Variants in NUMBL observed in about 807,000 individuals in gnomAD.
NUMBL encodes NUMB like endocytic adaptor protein.
A neutral mutation model predicts 48.9 loss-of-function variants in NUMBL; 20 were observed. That is an observed-to-expected ratio of 0.41 (90% CI 0.29 to 0.59). The LOEUF is 0.59. Ranked by LOEUF, NUMBL falls within the 20% of genes least tolerant of loss-of-function variation. The pLI is 0.31. For missense variants in NUMBL, 660 were observed against 846.2 expected (o/e 0.78, Z 2.73); for synonymous variants, 340 against 348.7 (o/e 0.98, Z 0.28).
In NUMBL at chr19:40,667,969, T is replaced by TTGCTGCTGC. The variant is rs752962959; in HGVS notation, c.1320_1328dup (p.Gln444_Gln446dup). On this transcript the variant is annotated inframe_insertion, in exon 10 of 10. Transcript: ENST00000252891. This position sits in a 1 kb window ranked among gnomAD's most constrained non-coding sequence, Gnocchi z 6.1. Reference sequence around the variant, plus strand: ...GGGCCACTGAGGCTGCTTGCTGCTGTTGCTGCTGCTGCTGCTGCTGCTGTT... The same window carrying TTGCTGCTGC: ...GGGCCACTGAGGCTGCTTGCTGCTGTTGCTGCTGCTGCTGCTGCTGCTGCTGCTGCTGTT... The TTGCTGCTGC allele has an allele frequency of 6.1e-6, 9 of 1,471,352 alleles. No individual in the cohort carries two copies. The highest frequency in any genetic ancestry group is 2.5e-5 in the East Asian group (1 of 40,130). 91.1% of individuals were successfully genotyped at this position (1,471,352 alleles called of 1,614,324 possible). A position where few individuals can be genotyped will look rare whatever the true frequency, so the allele number is the denominator to read the frequency against.
chr19:40,670,859 T>A (rs1379416899), intron 8 of NUMBL, among the ~76,000 whole-genome samples: 1 of 152,188 alleles, frequency 6.6e-6, no homozygotes, highest in Non-Finnish European at 1.5e-5. Flanking sequence ...TGCCGTGTGA[T>A]GTATGAGTGT....
At position 40,688,305 on chromosome 19, in the gene NUMBL, C is replaced by T. The variant is rs1052034203; in HGVS notation, c.25-1310G>A. Among the ~76,000 whole-genome samples, 6 of 152,212 alleles carry T rather than the reference C, an allele frequency of 3.9e-5. No homozygotes were observed. The highest frequency in any genetic ancestry group is 7.3e-5 in the Non-Finnish European group (5 of 68,040). Reference sequence around the variant, plus strand: ...ATGTGGCCATATAGAATCACAGCCCCGTGTGGACAGGTGCACAAAGTCACA... The same window carrying T: ...ATGTGGCCATATAGAATCACAGCCCTGTGTGGACAGGTGCACAAAGTCACA... On this transcript the variant is annotated intron_variant, in intron 1 of 9. Transcript: ENST00000252891. This position sits in a 1 kb window ranked among gnomAD's most constrained non-coding sequence, Gnocchi z 4.6.
chr19:40,689,122 T>C (rs2144670730), intron 1 of NUMBL, among the ~76,000 whole-genome samples: 1 of 152,194 alleles, frequency 6.6e-6, no homozygotes, highest in East Asian at 1.9e-4. Context: ...CATGGAGCCA[T>C]AGACAACTCC....
rs2081901874 is a variant in NUMBL, at chr19:40,680,907, C to T, written c.540+10G>A. ...GGAGGGAAGAGTTGGCCAGCTGTGG[C>T]AATACTCACGGAGTCCTTCAGTGCC... On this transcript the variant is annotated intron_variant, in intron 6 of 9. Coordinates refer to ENST00000252891, the MANE Select transcript of NUMBL (RefSeq NM_004756.5). The T allele has an allele frequency of 6.2e-7, 1 of 1,614,054 alleles. No individual in the cohort carries two copies. The highest frequency in any genetic ancestry group is 8.5e-7 in the Non-Finnish European group (1 of 1,179,944).
rs1454272774 is a variant in NUMBL, at chr19:40,673,854, C to T, written c.731-205G>A. Among the ~76,000 whole-genome samples the T allele has an allele frequency of 6.6e-6, 1 of 152,064 alleles. No homozygotes were observed. Among genetic ancestry groups the T allele is most frequent in the African/African-American group, 2.4e-5 (1 of 41,392 alleles). ...CCCCAGGAGGCTCTTGGAAAACCGT[C>T]CCCCAGGCTCACCCTCTGTGTCTCT... On this transcript the variant is annotated intron_variant, in intron 7 of 9. Coordinates refer to ENST00000252891, the MANE Select transcript of NUMBL (RefSeq NM_004756.5). This position sits in a 1 kb window ranked among gnomAD's most constrained non-coding sequence, Gnocchi z 5.9.
chr19:40,688,586 T>C lies in NUMBL; in HGVS notation c.25-1591A>G, dbSNP rs1296614822. Among the ~76,000 whole-genome samples, 5 of 152,020 alleles carry C rather than the reference T, an allele frequency of 3.3e-5. No homozygotes were observed. In the East Asian group the frequency reaches 9.7e-4, roughly 29 times the overall value. On this transcript the variant is annotated intron_variant, in intron 1 of 9. Coordinates refer to ENST00000252891, the MANE Select transcript of NUMBL (RefSeq NM_004756.5). This position sits in a 1 kb window ranked among gnomAD's most constrained non-coding sequence, Gnocchi z 4.6. ...ACAGAGACAAAAACAGGCACACAGC[T>C]ACAGACCCCACACTCTCACAGATGA... is the stretch of plus-strand genomic sequence containing the variant.
Position 40,673,535 on chromosome 19 carries a change from G to C in NUMBL, c.845C>G (p.Ala282Gly). The part of the protein sequence containing the change: ...GEKGEAGTPV[A>G]AGTTAAAIPR... ...GATGGCGGCCGCAGTGGTGCCTGCAGCCACAGGGGTGCCTGCCTCACCCTT... is the reference window on the plus strand; with the variant it reads ...GATGGCGGCCGCAGTGGTGCCTGCACCCACAGGGGTGCCTGCCTCACCCTT... Residue 282 changes from alanine to glycine, a missense_variant, in exon 8 of 10, where the codon GCT becomes GGT. Ala to Gly is a moderately conservative substitution (Grantham distance 60). This residue lies in a region of NUMBL where 278 missense variants were observed against 420.6 expected (regional missense o/e 0.66). Transcript: ENST00000252891. This position sits in a 1 kb window ranked among gnomAD's most constrained non-coding sequence, Gnocchi z 5.9. The C allele has an allele frequency of 6.4e-7, 1 of 1,559,026 alleles. No homozygotes were observed. Among genetic ancestry groups the C allele is most frequent in the Non-Finnish European group, 8.7e-7 (1 of 1,151,628 alleles).
intron 9 of NUMBL, among the ~76,000 whole-genome samples, chr19:40,669,358 T>C (rs2081833668): frequency 6.6e-6 from 1 of 152,048 alleles, no homozygotes; most frequent in Admixed American, 6.6e-5. Context: ...GATCACATGA[T>C]TCTCAGATAA....
chr19:40,666,360 G>C lies in NUMBL; in HGVS notation c.*1108C>G, dbSNP rs560269879. On this transcript the variant is annotated 3_prime_UTR_variant, in exon 10 of 10. Transcript: ENST00000252891. ...TCTCCATGGCGGCCAGGCTGGTCTC[G>C]AACTCCTGACCTTAAGTGATCTGCC... The C allele has an allele frequency of 6.6e-6, 1 of 152,124 alleles. No homozygotes were observed. Among genetic ancestry groups the C allele is most frequent in the South Asian group, 2.1e-4 (1 of 4,814 alleles). 9.4% of individuals were successfully genotyped at this position (152,124 alleles called of 1,614,324 possible).
At position 40,669,898 on chromosome 19, in the gene NUMBL, C is replaced by T; in HGVS notation, c.1159G>A (p.Gly387Arg). The change falls in exon 9 of 10, where the codon GGG becomes AGG. Residue 387 changes from glycine to arginine, a missense_variant and splice_region_variant. Gly to Arg is a moderately radical substitution (Grantham distance 125, BLOSUM62 -2). Coordinates refer to ENST00000252891, the MANE Select transcript of NUMBL (RefSeq NM_004756.5). ...TGCCCAGCAGAAAGCCTGGCTTTAC[C>T]TGTTGTGGCAGGTGGTGGCCCTGGT... ...PAPGPPPATT[G>R]TSAWGEPSVP... 1 of 1,613,230 alleles carries T rather than the reference C, an allele frequency of 6.2e-7. No individual in the cohort carries two copies. Among genetic ancestry groups the T allele is most frequent in the Non-Finnish European group, 8.5e-7 (1 of 1,179,516 alleles).
At position 40,673,631 on chromosome 19, in the gene NUMBL, G is replaced by T. The variant is rs560767622; in HGVS notation, c.749C>A (p.Pro250His). 1 of 1,496,092 alleles carries T rather than the reference G, an allele frequency of 6.7e-7. No homozygotes were observed. The highest frequency in any genetic ancestry group is 1.3e-5 in the South Asian group (1 of 77,170). 92.7% of individuals were successfully genotyped at this position (1,496,092 alleles called of 1,614,324 possible). A position where few individuals can be genotyped will look rare whatever the true frequency, so the allele number is the denominator to read the frequency against. Reference protein sequence around the residue: ...DKKKAEAAAAPTVAPGPAQPG... With the variant: ...DKKKAEAAAAHTVAPGPAQPG... ...CTGGGCAGGGCCAGGAGCCACAGTG[G>T]GGGCAGCTGCTGCCTCTGCTGGAGA... Residue 250 changes from proline (P) to histidine (H), a missense_variant, in exon 8 of 10, where the codon CCC (proline) becomes CAC (histidine). Physicochemically the swap from Pro to His is moderately conservative, Grantham distance 77. This residue lies in a region of NUMBL where 278 missense variants were observed against 420.6 expected (regional missense o/e 0.66). Transcript: ENST00000252891. The surrounding 1 kb of genome is among the most constrained non-coding windows in gnomAD (Gnocchi z 5.9).
In NUMBL at chr19:40,682,626, TG is replaced by T; in HGVS notation, c.399+101del. The T allele has an allele frequency of 9.5e-7, 1 of 1,056,594 alleles. No homozygotes were observed. The highest frequency in any genetic ancestry group is 1.4e-6 in the Non-Finnish European group (1 of 708,036). 65.5% of individuals were successfully genotyped at this position (1,056,594 alleles called of 1,614,324 possible). A position where few individuals can be genotyped will look rare whatever the true frequency, so the allele number is the denominator to read the frequency against. On this transcript the variant is annotated intron_variant, in intron 5 of 9. Transcript: ENST00000252891. The surrounding 1 kb of genome is among the most constrained non-coding windows in gnomAD (Gnocchi z 4.0). ...CACACGGCATCGTCTAGAAGGTCCC[TG>T]AGGGAGGGATGTGCAGAGGAGGCGG...
intron 1 of NUMBL, 39 bp downstream of exon 1, chr19:40,690,421 C>T: frequency 3.4e-6 from 4 of 1,180,532 alleles, no homozygotes; most frequent in Non-Finnish European, 4.3e-6. Flanking sequence ...AGCAGCGGCG[C>T]CGCCCCCGAC....
At chr19:40,686,446 A>C (rs972444447) in intron 2 of NUMBL, among the ~76,000 whole-genome samples, 7 of 152,032 alleles carry the variant, frequency 4.6e-5, no homozygotes, top group Admixed American at 1.3e-4. Context: ...ATAGGCATTG[A>C]GCCACCACGC....
Position 40,666,955 on chromosome 19 carries a change from T to C in NUMBL, c.*513A>G, listed in dbSNP as rs1256892386. ...CATGGGCCCCAAAGTTGGAGGGTGA[T>C]GGAGGTGAGTACAGCATTGGCAGTG... On this transcript the variant is annotated 3_prime_UTR_variant, in exon 10 of 10. Transcript: ENST00000252891. 6.4e-6 allele frequency: 1 copy of C among 156,338 alleles called. No homozygotes were observed. Among genetic ancestry groups the C allele is most frequent in the Non-Finnish European group, 1.4e-5 (1 of 70,216 alleles). 9.7% of individuals were successfully genotyped at this position (156,338 alleles called of 1,614,324 possible). A position where few individuals can be genotyped will look rare whatever the true frequency, so the allele number is the denominator to read the frequency against.
At chr19:40,684,764 G>T in intron 2 of NUMBL, 7 of 592,080 alleles carry the variant, frequency 1.2e-5, no homozygotes, top group Non-Finnish European at 1.6e-5. Flanking sequence ...AGGGGAGTGC[G>T]AAAGTTGGGC....
chr19:40,668,181 TCAG>T, intron 9 of NUMBL, 43 bp from the exon 10 acceptor site: 1 of 1,532,888 alleles, frequency 6.5e-7, no homozygotes, highest in Admixed American at 2.0e-5. Flanking sequence ...GGCAACGGCT[TCAG>T]CAGAAGAACC....
intron 8 of NUMBL, among the ~76,000 whole-genome samples, chr19:40,671,775 G>A (rs2081849482): frequency 6.6e-6 from 1 of 152,204 alleles, no homozygotes; most frequent in Non-Finnish European, 1.5e-5. Flanking sequence ...AGACCACATG[G>A]GTTCACTGGC....
At chr19:40,683,105 C>A in intron 3 of NUMBL, 137 bp from the exon 4 acceptor site, 1 of 780,434 alleles carries the variant, frequency 1.3e-6, no homozygotes, top group South Asian at 1.6e-5. Context: ...TTCTGCATCT[C>A]AACTCTACAA....
Sources: allele counts gnomAD v4.1 joint callset (sites outside exome capture counted in the v4.1 genomes callset), GRCh38; gene constraint gnomAD v4.1.1; regional missense constraint gnomAD v4.1.1; non-coding constraint Gnocchi (gnomAD v3.1); transcripts MANE v1.5; gene names NCBI Gene and HGNC (gene_info 2026-07-23, HGNC 2026-07-21).